RSRC1: variants seen among roughly 807,000 people sequenced by gnomAD.
RSRC1 encodes the protein serine/Arginine-related protein 53.
RSRC1 carries 39 observed loss-of-function variants against 49.1 expected under a neutral mutation model. The observed-to-expected ratio is 0.79, with a 90% CI of 0.61 to 1.04. RSRC1 has a LOEUF of 1.04. RSRC1 is among the 50% of genes least tolerant of loss of function. The pLI is 0.00. For synonymous variants in RSRC1, 143 were observed against 130.8 expected (o/e 1.09, Z -0.63); for missense variants, 388 against 402.4 (o/e 0.96, Z 0.31).
intron 5 of RSRC1, among the ~76,000 whole-genome samples, chr3:158,320,345 T>C (rs1467192102): frequency 2.0e-5 from 3 of 152,222 alleles, no homozygotes; most frequent in Non-Finnish European, 2.9e-5. Context: ...CACTTTCTTA[T>C]CTGAATACTT....
Position 158,539,577 on chromosome 3 carries a change from T to C in RSRC1, c.759+2379T>C, listed in dbSNP as rs1712918134. ...CATGGTCTTTTGGCCTACTTGGAAG[T>C]AGATTTTAGTACTAATTTTTACAAA... On this transcript the variant is annotated intron_variant, in intron 8 of 9. Coordinates refer to ENST00000611884, the MANE Select transcript of RSRC1 (RefSeq NM_001271838.2). This position sits in a 1 kb window ranked among gnomAD's most constrained non-coding sequence, Gnocchi z 4.1. 2.0e-5 allele frequency among the ~76,000 whole-genome samples: 3 copies of C among 152,046 alleles called. No individual in the cohort carries two copies. In the South Asian group the frequency reaches 6.2e-4, roughly 31 times the overall value.
chr3:158,216,628 A>G (rs1011628531), intron 4 of RSRC1, among the ~76,000 whole-genome samples: 1 of 151,466 alleles, frequency 6.6e-6, no homozygotes, highest in African/African-American at 2.4e-5. Flanking sequence ...CAAACAAAAA[A>G]TTGTTTAAAA....
At chr3:158,402,868 T>C (rs970583927) in intron 6 of RSRC1, among the ~76,000 whole-genome samples, 1 of 151,890 alleles carries the variant, frequency 6.6e-6, no homozygotes, top group African/African-American at 2.4e-5. Flanking sequence ...ATGTATGTTA[T>C]TGATATTTTC....
chr3:158,486,599 T>A (rs1298431889), intron 7 of RSRC1, among the ~76,000 whole-genome samples: 1 of 152,102 alleles, frequency 6.6e-6, no homozygotes, highest in African/African-American at 2.4e-5. Flanking sequence ...TTGAGGAAAT[T>A]GCTTACATTT....
chr3:158,371,738 G>A lies in RSRC1; in HGVS notation c.583+16830G>A, dbSNP rs184476843. Among the ~76,000 whole-genome samples the A allele has an allele frequency of 9.3e-4, 141 of 152,034 alleles. 1 individual carries two copies. The highest frequency in any genetic ancestry group is 3.2e-3 in the African/African-American group (134 of 41,552). On this transcript the variant is annotated intron_variant, in intron 6 of 9. Transcript: ENST00000611884. ...TGGGTAAATACCTAAGACTAGGATT[G>A]CTGGCATAATAACTTTGTTTAACAT...
intron 7 of RSRC1, among the ~76,000 whole-genome samples, chr3:158,531,414 A>T (rs1288541522): frequency 1.3e-5 from 2 of 151,924 alleles, no homozygotes; most frequent in African/African-American, 4.8e-5. Flanking sequence ...ACTTTCACTT[A>T]TTGAAATATT....
chr3:158,406,034 A>G (rs1734147151), intron 6 of RSRC1, among the ~76,000 whole-genome samples: 1 of 152,050 alleles, frequency 6.6e-6, no homozygotes, highest in Admixed American at 6.6e-5. Context: ...TCCTTTTTGA[A>G]GAGAGATTTG....
chr3:158,429,796 A>G (rs1412791034), intron 6 of RSRC1, among the ~76,000 whole-genome samples: 7 of 151,490 alleles, frequency 4.6e-5, no homozygotes, highest in Non-Finnish European at 7.4e-5. Flanking sequence ...CGAACACTGC[A>G]TGATTCCACT....
chr3:158,433,906 T>C (rs1436411246), intron 6 of RSRC1, among the ~76,000 whole-genome samples: 1 of 152,022 alleles, frequency 6.6e-6, no homozygotes, highest in Non-Finnish European at 1.5e-5. Flanking sequence ...AAGCAGAATA[T>C]ATATTTAAAC....
At chr3:158,118,773 T>G (rs1320311283) in intron 1 of RSRC1, among the ~76,000 whole-genome samples, 2 of 152,248 alleles carry the variant, frequency 1.3e-5, no homozygotes, top group Non-Finnish European at 2.9e-5. Context: ...TAAATACAGT[T>G]GTAACCTGTA....
At chr3:158,219,656 G>C (rs1323722845) in intron 4 of RSRC1, among the ~76,000 whole-genome samples, 1 of 151,600 alleles carries the variant, frequency 6.6e-6, no homozygotes, top group Non-Finnish European at 1.5e-5. Flanking sequence ...TTTTAACTTA[G>C]AGAAGCAACA....
chr3:158,400,739 T>C (rs1473164388), intron 6 of RSRC1, among the ~76,000 whole-genome samples: 1 of 152,112 alleles, frequency 6.6e-6, no homozygotes, highest in Non-Finnish European at 1.5e-5. Context: ...ATACAGTGCA[T>C]CATTTTAAGC....
At chr3:158,513,856 T>C (rs1333094449) in intron 7 of RSRC1, among the ~76,000 whole-genome samples, 1 of 152,234 alleles carries the variant, frequency 6.6e-6, no homozygotes, top group African/African-American at 2.4e-5. Context: ...GGAGAGTGTA[T>C]GTGTCAAGGA....
chr3:158,283,709 C>T (rs1726317452), intron 4 of RSRC1, among the ~76,000 whole-genome samples: 1 of 152,008 alleles, frequency 6.6e-6, no homozygotes, highest in African/African-American at 2.4e-5. Flanking sequence ...TTGGGATAAA[C>T]TTAGAGAAGT....
chr3:158,233,315 A>G (rs191981768), intron 4 of RSRC1, among the ~76,000 whole-genome samples: 76 of 152,182 alleles, frequency 5.0e-4, no homozygotes, highest in Middle Eastern at 6.8e-3. Context: ...ACTTAGTAGG[A>G]AGCTATCAGT....
chr3:158,260,241 T>C (rs902009536), intron 4 of RSRC1, among the ~76,000 whole-genome samples: 2 of 152,210 alleles, frequency 1.3e-5, no homozygotes, highest in African/African-American at 4.8e-5. Context: ...TAGTACATAC[T>C]ATTCAGGGCT....
intron 6 of RSRC1, among the ~76,000 whole-genome samples, chr3:158,405,329 A>G (rs1361491054): frequency 1.3e-5 from 2 of 152,102 alleles, no homozygotes; most frequent in African/African-American, 2.4e-5. Context: ...ACAGTTTTAC[A>G]TTAATCTTCA....
intron 6 of RSRC1, among the ~76,000 whole-genome samples, chr3:158,359,024 T>C (rs910743000): frequency 6.6e-6 from 1 of 152,180 alleles, no homozygotes; most frequent in Non-Finnish European, 1.5e-5. Flanking sequence ...TGAATATGTG[T>C]GTATATGTAC....
At chr3:158,373,184 A>G (rs1732172271) in intron 6 of RSRC1, among the ~76,000 whole-genome samples, 1 of 151,850 alleles carries the variant, frequency 6.6e-6, no homozygotes, top group Non-Finnish European at 1.5e-5. Flanking sequence ...GTCATATGCA[A>G]ATAGAGAAAA....
Sources: gnomAD v4.1 joint callset for allele counts (sites outside exome capture counted in the v4.1 genomes callset) on GRCh38, gnomAD v4.1.1 for gene constraint, Gnocchi (gnomAD v3.1) non-coding constraint, MANE v1.5 for transcripts, NCBI Gene and HGNC (gene_info 2026-07-23, HGNC 2026-07-21) for gene names.